Variants in ITGB3 observed in about 807,000 individuals in gnomAD.
ITGB3 encodes the protein integrin subunit beta 3, also known as integrin beta-3.
In ITGB3, 48 loss-of-function variants were observed where a neutral mutation model predicts 85.8. The observed-to-expected ratio is 0.56, with a 90% confidence interval of 0.44 to 0.71. The LOEUF (loss-of-function observed/expected upper bound fraction) is 0.71, where lower values mean the gene tolerates loss of function less well. ITGB3 is among the 30% of genes least tolerant of loss of function. The pLI is 0.00. For missense variants in ITGB3, 861 were observed against 1,019.1 expected, an observed-to-expected ratio of 0.84 and a Z score of 2.11; for synonymous variants, 363 against 395.6, an observed-to-expected ratio of 0.92 and a Z score of 0.98.
At chr17:47,296,732 A>G (rs1312587989) in intron 10 of ITGB3, among the ~76,000 whole-genome samples, 3 of 152,206 alleles carry the variant, frequency 2.0e-5, no homozygotes, top group East Asian at 1.9e-4. Flanking sequence ...TAAACATCCT[A>G]ATGTACAGGA....
At chr17:47,284,836 T>C (rs2065097084) in intron 4 of ITGB3, 141 bp downstream of exon 4, 1 of 1,167,996 alleles carries the variant, frequency 8.6e-7, no homozygotes, top group African/African-American at 1.5e-5. Context: ...GGTCTCCCTG[T>C]TTGGCAAATG....
intron 6 of ITGB3, among the ~76,000 whole-genome samples, chr17:47,287,682 G>A (rs1258950375): frequency 1.3e-5 from 2 of 152,176 alleles, no homozygotes; most frequent in Admixed American, 1.3e-4. Flanking sequence ...GCTGAGGTGG[G>A]AGGATCACGT....
intron 1 of ITGB3, among the ~76,000 whole-genome samples, chr17:47,256,663 G>A (rs775945054): frequency 2.6e-5 from 4 of 152,136 alleles, no homozygotes; most frequent in South Asian, 2.1e-4. Flanking sequence ...CCAGAGTAGC[G>A]GAGTCTGCTT....
intron 3 of ITGB3, among the ~76,000 whole-genome samples, 196 bp downstream of exon 3, chr17:47,283,745 T>C (rs572658656): frequency 1.1e-4 from 16 of 152,286 alleles, no homozygotes; most frequent in African/African-American, 3.6e-4. Flanking sequence ...AGATCTGAGG[T>C]GAATCTTTAC....
chr17:47,282,877 T>C (rs2065088742), intron 2 of ITGB3, among the ~76,000 whole-genome samples: 1 of 152,244 alleles, frequency 6.6e-6, no homozygotes, highest in Non-Finnish European at 1.5e-5. Context: ...TTTCATATTT[T>C]CTATTCTATT....
At chr17:47,268,443 CA>C (rs2065033279) in intron 1 of ITGB3, among the ~76,000 whole-genome samples, 1 of 152,216 alleles carries the variant, frequency 6.6e-6, no homozygotes, top group Admixed American at 6.5e-5. Flanking sequence ...TTCCTAGATA[CA>C]ACGGGAGTGG....
intron 1 of ITGB3, among the ~76,000 whole-genome samples, chr17:47,254,306 G>C (rs2064980009): frequency 6.6e-6 from 1 of 152,104 alleles, no homozygotes; most frequent in Non-Finnish European, 1.5e-5. Context: ...GACTGGCCCA[G>C]GAGCCAAGGC....
At chr17:47,269,841 T>C (rs139017798) in intron 1 of ITGB3, among the ~76,000 whole-genome samples, 2 of 152,220 alleles carry the variant, frequency 1.3e-5, no homozygotes, top group Non-Finnish European at 2.9e-5. Flanking sequence ...TTTACTGTAA[T>C]AGTCTGTTCT....
rs1331484677 is a variant in ITGB3 at position 47,312,786 on chromosome 17, G to A, written c.*2582G>A. Among the ~76,000 whole-genome samples the A allele has an allele frequency of 6.6e-6, 1 of 152,144 alleles. No homozygotes were observed. The highest frequency in any genetic ancestry group is 2.4e-5 in the African/African-American group (1 of 41,410). On this transcript the variant is annotated 3_prime_UTR_variant, in exon 15 of 15. Coordinates refer to ENST00000559488, the MANE Select transcript of ITGB3 (RefSeq NM_000212.3). ...AGCAAATAGCAGTTTTGGCCTGTGG[G>A]GTGAACAGCTAAACAGTGTTCTGGC...
chr17:47,282,412 C>T (rs192155928), intron 2 of ITGB3, among the ~76,000 whole-genome samples: 1 of 152,312 alleles, frequency 6.6e-6, no homozygotes, highest in East Asian at 1.9e-4. Context: ...TCCCTGGAAA[C>T]TACTATTCTA....
Position 47,287,058 on chromosome 17 carries a change from T to C in ITGB3, c.778-12T>C. ...GTCTCCTCTGCCTTTGTTTTTTGTT[T>C]TCTTTTAACAGGAAAAGATTGGCTG... On this transcript the variant is annotated splice_polypyrimidine_tract_variant and intron_variant, in intron 5 of 14. Coordinates refer to ENST00000559488, the MANE Select transcript of ITGB3 (RefSeq NM_000212.3). 1 of 1,613,566 alleles carries C rather than the reference T, an allele frequency of 6.2e-7. No homozygotes were observed. The highest frequency in any genetic ancestry group is 2.2e-5 in the East Asian group (1 of 44,884).
chr17:47,266,246 C>T (rs571748602), intron 1 of ITGB3, among the ~76,000 whole-genome samples: 12 of 152,260 alleles, frequency 7.9e-5, no homozygotes, highest in African/African-American at 2.9e-4. Context: ...GATAGATGTC[C>T]ATAGTGTTAG....
intron 2 of ITGB3, chr17:47,280,139 C>T (rs1435208286): frequency 1.3e-5 from 2 of 152,268 alleles, no homozygotes; most frequent in African/African-American, 4.8e-5. Context: ...GGCTGGTTCC[C>T]TGCCTGCATA....
intron 5 of ITGB3, 149 bp downstream of exon 5, chr17:47,286,571 A>G: frequency 1.0e-6 from 1 of 990,686 alleles, no homozygotes; most frequent in Non-Finnish European, 1.6e-6. Context: ...TGCTCCTGAT[A>G]TTCAGCCTTG....
intron 4 of ITGB3, among the ~76,000 whole-genome samples, chr17:47,285,583 C>T (rs1218295803): frequency 6.6e-6 from 1 of 152,006 alleles, no homozygotes; most frequent in Non-Finnish European, 1.5e-5. Context: ...TGCCACTGCA[C>T]TCCAACCTGG....
chr17:47,279,617 T>C (rs983454832), intron 2 of ITGB3: 1 of 152,174 alleles, frequency 6.6e-6, no homozygotes, highest in Non-Finnish European at 1.5e-5. Flanking sequence ...CTCTTCTCAT[T>C]AGGACTGCCA....
At chr17:47,306,808 T>C (rs1249752650) in intron 13 of ITGB3, among the ~76,000 whole-genome samples, 1 of 151,980 alleles carries the variant, frequency 6.6e-6, no homozygotes, top group African/African-American at 2.4e-5. Flanking sequence ...GCCTCCCAAG[T>C]AGCTGGGATT....
At chr17:47,300,346 C>CGCGTGCATGTGTGTGT (rs377375532) in intron 11 of ITGB3, 132 bp from the exon 12 acceptor site, 2 of 611,562 alleles carry the variant, frequency 3.3e-6, no homozygotes, top group African/African-American at 3.7e-5. Flanking sequence ...CGCGCGCGCG[C>CGCGTGCATGTGTGTGT]GTGTGTGTGT....
In ITGB3 at chr17:47,286,487, C is replaced by G. The variant is rs1598691062; in HGVS notation, c.777+65C>G. On this transcript the variant is annotated intron_variant, in intron 5 of 14. Transcript: ENST00000559488. ...TAGATCAAAATGGGAAAGGAAGTGA[C>G]TGAACTCTGGGGATTTCTGGTGTAA... 5 of 1,589,026 alleles carry G rather than the reference C, an allele frequency of 3.1e-6. No homozygotes were observed. In the East Asian group the frequency reaches 1.1e-4, roughly 35 times the overall value.
Sources: allele counts gnomAD v4.1 joint callset (sites outside exome capture counted in the v4.1 genomes callset), GRCh38; gene constraint gnomAD v4.1.1; transcripts MANE v1.5; gene names NCBI Gene and HGNC (gene_info 2026-07-23, HGNC 2026-07-21).